Variants in COL24A1 observed in about 807,000 individuals in gnomAD.
COL24A1 encodes collagen type XXIV alpha 1 chain.
Under a neutral mutation model 253.9 loss-of-function variants are expected in COL24A1, and 224 were observed. That is an observed-to-expected ratio of 0.88 (90% confidence interval 0.79 to 0.99). COL24A1 has a LOEUF of 0.99. COL24A1 is among the 50% of genes least tolerant of loss of function. The pLI is 0.00. For synonymous variants in COL24A1, 685 were observed against 673.7 expected, an observed-to-expected ratio of 1.02 and a Z score of -0.26; for missense variants, 2,131 against 2,068.5, an observed-to-expected ratio of 1.03 and a Z score of -0.59.
At chr1:86,155,674 G>C (rs1185070494) in intron 1 of COL24A1, 1 of 152,404 alleles carries the variant, frequency 6.6e-6, no homozygotes, top group African/African-American at 2.4e-5. Flanking sequence ...TCCCCGCCGC[G>C]AGTGCCACTT....
In COL24A1 at chr1:85,737,440, T is replaced by C. The variant is rs755480891; in HGVS notation, c.4738A>G (p.Ser1580Gly). The change falls in exon 58 of 60, where the codon AGT becomes GGT. Residue 1580 changes from serine (S) to glycine (G), a missense_variant. Physicochemically the swap from Ser to Gly is moderately conservative, Grantham distance 56 (BLOSUM62 0). Transcript: ENST00000370571. Reference protein sequence around the residue: ...SDAIEVFCNFSAGGQTCLPPV... With the variant: ...SDAIEVFCNFGAGGQTCLPPV... ...GGTAAGCATGTCTGGCCACCAGCACTGAAATTGCAGAAAACCTCAATGGCA... is the reference window on the plus strand; with the variant it reads ...GGTAAGCATGTCTGGCCACCAGCACCGAAATTGCAGAAAACCTCAATGGCA... The C allele has an allele frequency of 1.9e-6, 3 of 1,613,104 alleles. No homozygotes were observed. The highest frequency in any genetic ancestry group is 3.3e-5 in the Admixed American group (2 of 59,972).
At chr1:86,005,913 T>C (rs1173096571) in intron 19 of COL24A1, among the ~76,000 whole-genome samples, 1 of 152,104 alleles carries the variant, frequency 6.6e-6, no homozygotes, top group Non-Finnish European at 1.5e-5. Flanking sequence ...ACTTCTTGTA[T>C]ACCAAGAACA....
chr1:85,865,704 A>AGTT (rs1238035441), intron 37 of COL24A1, among the ~76,000 whole-genome samples: 1 of 152,076 alleles, frequency 6.6e-6, no homozygotes, highest in Non-Finnish European at 1.5e-5. Context: ...GAACTATGCT[A>AGTT]GTTGATTTTT....
At position 85,895,903 on chromosome 1, in the gene COL24A1, C is replaced by A. The variant is rs773839258; in HGVS notation, c.2878-1G>T. On this transcript the variant is annotated splice_acceptor_variant, in intron 30 of 59. Transcript: ENST00000370571. LOFTEE classifies it high-confidence loss of function. The stretch of plus-strand genomic sequence containing the variant: ...TTTCTCCAGGGTTTCCAGTCTTACC[C>A]TACATGAGAAAGAAAATTCTTGAGT... 1 of 1,608,312 alleles carries A rather than the reference C, an allele frequency of 6.2e-7. No homozygotes were observed. Among genetic ancestry groups the A allele is most frequent in the Admixed American group, 1.7e-5 (1 of 58,876 alleles).
intron 37 of COL24A1, 29 bp downstream of exon 37, chr1:85,868,490 T>C: frequency 1.3e-6 from 2 of 1,491,384 alleles, no homozygotes; most frequent in Non-Finnish European, 1.9e-6. Flanking sequence ...ATTCACTTAG[T>C]ATTTGAAAGT....
intron 43 of COL24A1, among the ~76,000 whole-genome samples, chr1:85,836,196 C>G (rs930929168): frequency 6.6e-6 from 1 of 152,080 alleles, no homozygotes; most frequent in African/African-American, 2.4e-5. Context: ...ATGAAGGCTC[C>G]CGTGTTACGT....
chr1:86,148,566 T>G (rs1348901210), intron 1 of COL24A1, among the ~76,000 whole-genome samples: 1 of 151,738 alleles, frequency 6.6e-6, no homozygotes, highest in Non-Finnish European at 1.5e-5. Context: ...GTTTTCATTG[T>G]TCAATTCCCA....
At chr1:86,058,103 T>A (rs941435593) in intron 9 of COL24A1, 128 bp from the exon 10 acceptor site, 1 of 583,168 alleles carries the variant, frequency 1.7e-6, no homozygotes, top group Non-Finnish European at 2.8e-6. Context: ...TCTGTATAAC[T>A]AATGAAGATT....
intron 1 of COL24A1, among the ~76,000 whole-genome samples, chr1:86,150,213 G>A (rs1351041598): frequency 6.6e-6 from 1 of 152,104 alleles, no homozygotes; most frequent in Non-Finnish European, 1.5e-5. Context: ...CTCTAAAGGG[G>A]AATGAATCTT....
intron 45 of COL24A1, 100 bp downstream of exon 45, chr1:85,823,436 A>T: frequency 9.0e-7 from 1 of 1,116,074 alleles, no homozygotes; most frequent in East Asian, 2.5e-5. Context: ...TACAGTGATA[A>T]ATGATAATTT....
chr1:85,917,933 C>T (rs1686056664), intron 24 of COL24A1, among the ~76,000 whole-genome samples: 1 of 152,124 alleles, frequency 6.6e-6, no homozygotes, highest in African/African-American at 2.4e-5. Context: ...GTCTCGAACT[C>T]CTGACCTCAG....
chr1:85,970,847 C>T (rs1198719214), intron 21 of COL24A1, among the ~76,000 whole-genome samples: 1 of 152,156 alleles, frequency 6.6e-6, no homozygotes, highest in Non-Finnish European at 1.5e-5. Flanking sequence ...AGACCACTAA[C>T]ATAAATCATT....
In COL24A1 at chr1:86,118,841, GTAAAA is replaced by G. The variant is rs1030133055; in HGVS notation, c.1492-3468_1492-3464del. On this transcript the variant is annotated intron_variant, in intron 3 of 59. Transcript: ENST00000370571. ...TAGGAATAAATGAATGAGGCCATGA[GTAAAA>G]CAAAACAAAACTAATAAAAGACACA... 3.9e-5 allele frequency among the ~76,000 whole-genome samples: 6 copies of G among 151,998 alleles called. 1 individual carries two copies. In the Middle Eastern group the frequency reaches 9.5e-3, roughly 241 times the overall value.
intron 4 of COL24A1, among the ~76,000 whole-genome samples, chr1:86,114,965 T>C (rs1284849174): frequency 3.3e-5 from 5 of 152,170 alleles, no homozygotes; most frequent in African/African-American, 4.8e-5. Flanking sequence ...TCCAGGAATG[T>C]ACTATTTTAA....
At chr1:86,026,203 C>T (rs1406805656) in intron 14 of COL24A1, among the ~76,000 whole-genome samples, 1 of 152,124 alleles carries the variant, frequency 6.6e-6, no homozygotes, top group South Asian at 2.1e-4. Flanking sequence ...TACTTTACAA[C>T]TCATTGAGGA....
chr1:86,132,726 T>C (rs1416734713), intron 2 of COL24A1, among the ~76,000 whole-genome samples: 1 of 152,178 alleles, frequency 6.6e-6, no homozygotes, highest in Admixed American at 6.5e-5. Context: ...TTGGTCTATA[T>C]CTCTGTTTTG....
At chr1:85,995,723 G>A (rs538426625) in intron 19 of COL24A1, among the ~76,000 whole-genome samples, 69 of 152,266 alleles carry the variant, frequency 4.5e-4, no homozygotes, top group Admixed American at 1.5e-3. Flanking sequence ...GGTGGGGCCT[G>A]GTGGGAGGTG....
chr1:86,055,727 C>G (rs183921658), intron 10 of COL24A1, among the ~76,000 whole-genome samples: 2 of 152,054 alleles, frequency 1.3e-5, no homozygotes, highest in Admixed American at 6.6e-5. Context: ...TTCACAACTA[C>G]CTGAAAAGTA....
intron 20 of COL24A1, among the ~76,000 whole-genome samples, chr1:85,977,519 T>C (rs935015420): frequency 7.9e-5 from 12 of 152,078 alleles, no homozygotes; most frequent in Non-Finnish European, 1.3e-4. Context: ...ACAGATATCA[T>C]AAAAATATAA....
Sources: gnomAD v4.1 joint callset for allele counts (sites outside exome capture counted in the v4.1 genomes callset) on GRCh38, gnomAD v4.1.1 for gene constraint, MANE v1.5 for transcripts, NCBI Gene and HGNC (gene_info 2026-07-23, HGNC 2026-07-21) for gene names.